Variants in NCK2 observed in about 807,000 individuals in gnomAD.
NCK2 encodes NCK adaptor protein 2, also known as cytoplasmic protein NCK2.
Under a neutral mutation model 33.9 loss-of-function variants are expected in NCK2, and 16 were observed. The observed-to-expected ratio is 0.47, with a 90% CI of 0.32 to 0.72. NCK2 has a LOEUF of 0.72. NCK2 is among the 30% of genes least tolerant of loss of function. NCK2 has a pLI of 0.03. For missense variants in NCK2, 418 were observed against 537.3 expected (o/e 0.78, Z 2.19); for synonymous variants, 273 against 239.9 (o/e 1.14, Z -1.27).
At position 105,816,035 on chromosome 2, in the gene NCK2, T is replaced by C. The variant is rs188868277; in HGVS notation, c.-200-395T>C. The stretch of plus-strand genomic sequence containing the variant: ...TGGTTGGCCCTCCCCAACCCGAGTG[T>C]CGGAGCTTGCCCAGGGAATGAAAGG... On this transcript the variant is annotated intron_variant, in intron 1 of 4. Transcript: ENST00000233154. Among the ~76,000 whole-genome samples, 37 of 150,698 alleles carry C rather than the reference T, an allele frequency of 2.5e-4. No homozygotes were observed. The East Asian group carries it at 6.3e-3, about 26-fold the overall frequency.
intron 1 of NCK2, among the ~76,000 whole-genome samples, chr2:105,768,953 G>A (rs1245388734): frequency 6.6e-6 from 1 of 152,316 alleles, no homozygotes; most frequent in African/African-American, 2.4e-5. Context: ...TTGCAGCCCA[G>A]TCTCCTGGCC....
chr2:105,893,635 C>G lies in NCK2; in HGVS notation c.*459C>G, dbSNP rs1332854251. ...CCTGTGCCCTTACATGGCTCCCGGACTGTGCAGGGAGCCGATACGTTTGCT... is the reference window on the plus strand; with the variant it reads ...CCTGTGCCCTTACATGGCTCCCGGAGTGTGCAGGGAGCCGATACGTTTGCT... On this transcript the variant is annotated 3_prime_UTR_variant, in exon 5 of 5. Coordinates refer to ENST00000233154, the MANE Select transcript of NCK2 (RefSeq NM_003581.5). 1 of 165,792 alleles carries G rather than the reference C, an allele frequency of 6.0e-6. No homozygotes were observed. Among genetic ancestry groups the G allele is most frequent in the Non-Finnish European group, 1.3e-5 (1 of 74,906 alleles). The allele number at this position is 165,792 out of a possible 1,614,324, so 10.3% of individuals were successfully genotyped here. A position where few individuals can be genotyped will look rare whatever the true frequency, so the allele number is the denominator to read the frequency against.
At chr2:105,826,804 G>GTATA (rs371525998) in intron 2 of NCK2, among the ~76,000 whole-genome samples, 1 of 150,790 alleles carries the variant, frequency 6.6e-6, no homozygotes, top group African/African-American at 2.4e-5. Flanking sequence ...TTATATATGT[G>GTATA]TATATATATA....
intron 1 of NCK2, among the ~76,000 whole-genome samples, chr2:105,792,314 G>C (rs1307812569): frequency 6.6e-6 from 1 of 152,182 alleles, no homozygotes; most frequent in Non-Finnish European, 1.5e-5. Context: ...TCCTAAGGTA[G>C]AATCAGAATA....
intron 1 of NCK2, among the ~76,000 whole-genome samples, chr2:105,791,580 A>G (rs1363749831): frequency 1.3e-5 from 2 of 151,930 alleles, no homozygotes; most frequent in African/African-American, 4.8e-5. Flanking sequence ...TTTTTAGAGC[A>G]CTCTTGTGTT....
At chr2:105,792,297 A>C (rs951949235) in intron 1 of NCK2, among the ~76,000 whole-genome samples, 8 of 152,226 alleles carry the variant, frequency 5.3e-5, no homozygotes, top group Admixed American at 2.0e-4. Context: ...CATCATATTC[A>C]GTGTAGTCCT....
At chr2:105,860,251 A>C (rs1677465491) in intron 3 of NCK2, among the ~76,000 whole-genome samples, 1 of 152,138 alleles carries the variant, frequency 6.6e-6, no homozygotes, top group Non-Finnish European at 1.5e-5. Context: ...GCAACACTGC[A>C]CTCCAGCCTG....
intron 1 of NCK2, among the ~76,000 whole-genome samples, chr2:105,759,616 A>G (rs960916144): frequency 6.6e-6 from 1 of 152,220 alleles, no homozygotes; most frequent in African/African-American, 2.4e-5. Context: ...ACGTTACTAT[A>G]GTACATTGGT....
At chr2:105,747,327 G>A (rs551501937) in intron 1 of NCK2, among the ~76,000 whole-genome samples, 1 of 152,290 alleles carries the variant, frequency 6.6e-6, no homozygotes, top group South Asian at 2.1e-4. Context: ...TTCCTTGCAT[G>A]TGCACAGACT....
At chr2:105,771,172 T>C (rs1230358691) in intron 1 of NCK2, among the ~76,000 whole-genome samples, 1 of 152,044 alleles carries the variant, frequency 6.6e-6, no homozygotes, top group East Asian at 1.9e-4. Context: ...TCCGCCTGCC[T>C]TGGCCTCCCA....
At chr2:105,886,512 C>CT (rs935957551) in intron 4 of NCK2, among the ~76,000 whole-genome samples, 3 of 152,186 alleles carry the variant, frequency 2.0e-5, no homozygotes, top group African/African-American at 7.2e-5. Flanking sequence ...CCTCTGAGTC[C>CT]TTTTTTTGTT....
chr2:105,878,033 G>T (rs1336486806), intron 3 of NCK2, among the ~76,000 whole-genome samples: 1 of 152,248 alleles, frequency 6.6e-6, no homozygotes, highest in African/African-American at 2.4e-5. Context: ...TCCCATGGAA[G>T]AGTGTTTGCT....
chr2:105,822,465 C>A (rs1675778037), intron 2 of NCK2, among the ~76,000 whole-genome samples: 1 of 152,054 alleles, frequency 6.6e-6, no homozygotes, highest in Admixed American at 6.5e-5. Flanking sequence ...CTGAGGCCAT[C>A]TCTAAGGTCC....
At chr2:105,864,558 C>A (rs1677674597) in intron 3 of NCK2, among the ~76,000 whole-genome samples, 1 of 152,068 alleles carries the variant, frequency 6.6e-6, no homozygotes, top group African/African-American at 2.4e-5. Context: ...AGGTGTGAAT[C>A]TCAGGCTTGG....
intron 1 of NCK2, among the ~76,000 whole-genome samples, chr2:105,807,751 C>T (rs1279869547): frequency 8.7e-6 from 1 of 115,118 alleles, no homozygotes; most frequent in Non-Finnish European, 1.9e-5. Flanking sequence ...CCTTCCTTCC[C>T]TCCCTCCCTC....
chr2:105,763,532 ATTAAG>A (rs1689833816), intron 1 of NCK2, among the ~76,000 whole-genome samples: 1 of 152,240 alleles, frequency 6.6e-6, no homozygotes, highest in Non-Finnish European at 1.5e-5. Context: ...ATTTTATTTA[ATTAAG>A]TTGTCACAGT....
At chr2:105,872,036 G>A (rs1678036959) in intron 3 of NCK2, among the ~76,000 whole-genome samples, 1 of 152,178 alleles carries the variant, frequency 6.6e-6, no homozygotes, top group Admixed American at 6.5e-5. Context: ...TCTCCATGGT[G>A]GTCAGGAATT....
chr2:105,815,532 C>A (rs1675447457), intron 1 of NCK2, among the ~76,000 whole-genome samples: 1 of 152,158 alleles, frequency 6.6e-6, no homozygotes, highest in African/African-American at 2.4e-5. Flanking sequence ...CCAGGGTCCC[C>A]TCGAAAACGT....
intron 1 of NCK2, among the ~76,000 whole-genome samples, chr2:105,746,492 C>T (rs77181091): frequency 1.9e-3 from 292 of 152,320 alleles, no homozygotes; most frequent in East Asian, 5.2e-3. Flanking sequence ...TAACCTGGGC[C>T]GCTTTAACTT....
Sources: allele counts gnomAD v4.1 joint callset (sites outside exome capture counted in the v4.1 genomes callset), GRCh38; gene constraint gnomAD v4.1.1; transcripts MANE v1.5; gene names NCBI Gene and HGNC (gene_info 2026-07-23, HGNC 2026-07-21).